The following CDHR3 variants were observed in gnomAD, a reference collection of about 807,000 sequenced individuals.
CDHR3 encodes cadherin-related family member 3.
A neutral mutation model predicts 86.6 loss-of-function variants in CDHR3; 79 were observed. The observed-to-expected ratio is 0.91, with a 90% CI of 0.76 to 1.10. CDHR3 has a LOEUF of 1.10. Ranked by LOEUF, CDHR3 falls within the 50% of genes least tolerant of loss-of-function variation. The pLI is 0.00. For synonymous variants in CDHR3, 421 were observed against 402.4 expected (o/e 1.05, Z -0.55); for missense variants, 1,081 against 1,077.6 (o/e 1.00, Z -0.04).
rs531206187 is a variant in CDHR3 at position 106,032,873 on chromosome 7, A to G, written c.*176A>G. 1.2e-4 allele frequency: 74 copies of G among 606,840 alleles called. 2 individuals are homozygous for G. In the South Asian group the frequency reaches 1.5e-3, roughly 12 times the overall value. The allele number at this position is 606,840 out of a possible 1,614,324, so 37.6% of individuals were successfully genotyped here. A position where few individuals can be genotyped will look rare whatever the true frequency, so the allele number is the denominator to read the frequency against. ...AACAAATAGAAAGGGGTTTGATCAC[A>G]TAGTTGCGTGTTCTGAAATGATACA... On this transcript the variant is annotated 3_prime_UTR_variant, in exon 19 of 19. Coordinates refer to ENST00000317716, the MANE Select transcript of CDHR3 (RefSeq NM_152750.5).
intron 1 of CDHR3, among the ~76,000 whole-genome samples, chr7:105,969,741 G>A (rs1401291857): frequency 6.6e-6 from 1 of 152,170 alleles, no homozygotes; most frequent in Non-Finnish European, 1.5e-5. Context: ...TGGATCTCCT[G>A]CTGAGGCAGC....
Position 105,994,946 on chromosome 7 carries a change from C to T in CDHR3, c.608+101C>T. ...GCAACCTGAGGGCAGCTGGGGGGAG[C>T]CCCTTGAGCAGTCTACAGCGTCATT... On this transcript the variant is annotated intron_variant, in intron 5 of 18. Transcript: ENST00000317716. 6.7e-6 allele frequency: 6 copies of T among 896,658 alleles called. No individual in the cohort carries two copies. In the South Asian group the frequency reaches 8.7e-5, roughly 13 times the overall value. The allele number at this position is 896,658 out of a possible 1,614,324, so 55.5% of individuals were successfully genotyped here. A position where few individuals can be genotyped will look rare whatever the true frequency, so the allele number is the denominator to read the frequency against.
At chr7:105,970,074 A>G (rs765838948) in intron 1 of CDHR3, among the ~76,000 whole-genome samples, 2 of 152,142 alleles carry the variant, frequency 1.3e-5, no homozygotes, top group Non-Finnish European at 2.9e-5. Context: ...TTGATTAGGT[A>G]CTAGAGAGAA....
chr7:105,983,460 T>A (rs1830068648), intron 3 of CDHR3, among the ~76,000 whole-genome samples: 1 of 152,208 alleles, frequency 6.6e-6, no homozygotes, highest in African/African-American at 2.4e-5. Context: ...TTAATAGAAC[T>A]GTTATGAAGA....
chr7:106,000,461 C>T (rs764081885), intron 6 of CDHR3, among the ~76,000 whole-genome samples: 7 of 152,118 alleles, frequency 4.6e-5, no homozygotes, highest in African/African-American at 4.8e-5. Flanking sequence ...TCTGAGCTCA[C>T]GAAAGGAATG....
intron 13 of CDHR3, among the ~76,000 whole-genome samples, chr7:106,021,971 T>A (rs527979735): frequency 4.3e-4 from 65 of 152,346 alleles, no homozygotes; most frequent in Non-Finnish European, 8.4e-4. Flanking sequence ...TCAGCCTTGT[T>A]TGCAGCCACA....
rs753294449 is a variant in CDHR3, at chr7:106,022,284, G to C, written c.1912G>C (p.Gly638Arg). 6.2e-7 allele frequency: 1 copy of C among 1,614,020 alleles called. No individual in the cohort carries two copies. The highest frequency in any genetic ancestry group is 8.5e-7 in the Non-Finnish European group (1 of 1,179,902). Residue 638 changes from glycine to arginine, a missense_variant, in exon 14 of 19, where the codon GGT becomes CGT. Coordinates refer to ENST00000317716, the MANE Select transcript of CDHR3 (RefSeq NM_152750.5). ...LLLTSRFDYA[G>R]GFDKIWDYKL... ...GCTTACATCTCGCTTTGACTATGCTGGTGGGTTTGATAAGATCTGGGACTA... is the reference window on the plus strand; with the variant it reads ...GCTTACATCTCGCTTTGACTATGCTCGTGGGTTTGATAAGATCTGGGACTA...
chr7:106,013,067 C>A, intron 9 of CDHR3, 36 bp downstream of exon 9: 8 of 1,531,774 alleles, frequency 5.2e-6, no homozygotes, highest in Non-Finnish European at 7.0e-6. Context: ...AAAAGGGCAT[C>A]GGGAATTGGT....
intron 17 of CDHR3, among the ~76,000 whole-genome samples, chr7:106,029,193 C>G (rs1837951425): frequency 6.6e-6 from 1 of 152,084 alleles, no homozygotes; most frequent in Admixed American, 6.5e-5. Context: ...GTTGGCCAGG[C>G]TGGTCTTGAA....
At chr7:105,975,791 C>G (rs1191043419) in intron 2 of CDHR3, among the ~76,000 whole-genome samples, 2 of 152,186 alleles carry the variant, frequency 1.3e-5, no homozygotes, top group Non-Finnish European at 2.9e-5. Flanking sequence ...CCTCAACTGT[C>G]CTGGGAACTT....
intron 6 of CDHR3, among the ~76,000 whole-genome samples, chr7:105,999,488 G>A (rs1304551509): frequency 6.6e-6 from 1 of 152,174 alleles, no homozygotes; most frequent in Non-Finnish European, 1.5e-5. Context: ...TGCATTGGAG[G>A]ATGTGTAGCA....
chr7:106,007,171 G>A (rs1421577816), intron 8 of CDHR3, among the ~76,000 whole-genome samples: 1 of 152,222 alleles, frequency 6.6e-6, no homozygotes, highest in African/African-American at 2.4e-5. Flanking sequence ...CTGCACACAA[G>A]AGAGGGACCC....
At chr7:106,016,047 G>T in intron 11 of CDHR3, 22 bp downstream of exon 11, 1 of 1,513,114 alleles carries the variant, frequency 6.6e-7, no homozygotes, top group South Asian at 1.2e-5. Context: ...ATAAGACACA[G>T]ACCAGAGTGC....
rs1278843350 is a variant in CDHR3 at position 106,028,545 on chromosome 7, C to T, written c.2273-6C>T. ...GCTTAACTTCTGCCTGTTCTGTTCTCTGCAGAAACGAAGACTGCAGAGAGA... is the reference window on the plus strand; with the variant it reads ...GCTTAACTTCTGCCTGTTCTGTTCTTTGCAGAAACGAAGACTGCAGAGAGA... On this transcript the variant is annotated splice_region_variant and splice_polypyrimidine_tract_variant and intron_variant, in intron 16 of 18. Transcript: ENST00000317716. 6.2e-7 allele frequency: 1 copy of T among 1,613,960 alleles called. No individual in the cohort carries two copies. Among genetic ancestry groups the T allele is most frequent in the Non-Finnish European group, 8.5e-7 (1 of 1,179,856 alleles).
intron 7 of CDHR3, 91 bp downstream of exon 7, chr7:106,001,701 A>C: frequency 6.5e-7 from 1 of 1,539,092 alleles, no homozygotes; most frequent in Non-Finnish European, 8.9e-7. Flanking sequence ...ACCCATGAGA[A>C]TTGGTTCTAG....
chr7:106,034,931 T>C lies in CDHR3; in HGVS notation c.*2234T>C, dbSNP rs1252330129. Among the ~76,000 whole-genome samples the C allele has an allele frequency of 6.6e-6, 1 of 151,814 alleles. No individual in the cohort carries two copies. Among genetic ancestry groups the C allele is most frequent in the Non-Finnish European group, 1.5e-5 (1 of 67,960 alleles). On this transcript the variant is annotated 3_prime_UTR_variant, in exon 19 of 19. Transcript: ENST00000317716. ...TGTCTCTACTAAAAAATAGAAAAAT[T>C]AGCTGGACGTGTTAGCAGGCACCTG...
At chr7:106,011,650 G>A (rs1173992187) in intron 8 of CDHR3, among the ~76,000 whole-genome samples, 1 of 152,204 alleles carries the variant, frequency 6.6e-6, no homozygotes, top group Non-Finnish European at 1.5e-5. Context: ...AGTGTGTTAT[G>A]TAGTAAAAAC....
At chr7:106,008,820 G>T (rs1585738773) in intron 8 of CDHR3, among the ~76,000 whole-genome samples, 1 of 152,158 alleles carries the variant, frequency 6.6e-6, no homozygotes, top group African/African-American at 2.4e-5. Flanking sequence ...GCCCTCTTCT[G>T]CCCTCCTGCT....
chr7:105,998,428 G>A (rs573328771), intron 6 of CDHR3, among the ~76,000 whole-genome samples: 2 of 152,332 alleles, frequency 1.3e-5, no homozygotes, highest in African/African-American at 2.4e-5. Context: ...ACAAATGTCA[G>A]AAAGCTTTAT....
Sources: gnomAD v4.1 joint callset for allele counts (sites outside exome capture counted in the v4.1 genomes callset) on GRCh38, gnomAD v4.1.1 for gene constraint, MANE v1.5 for transcripts, NCBI Gene and HGNC (gene_info 2026-07-23, HGNC 2026-07-21) for gene names.